PHRF1: variants seen among roughly 807,000 people sequenced by gnomAD.
The protein encoded by PHRF1 is PHD and RING finger domain-containing protein 1.
A neutral mutation model predicts 128.9 loss-of-function variants in PHRF1; 53 were observed. The ratio of observed to expected loss-of-function variants is 0.41; its 90% CI spans 0.33 to 0.52. PHRF1 has a LOEUF of 0.52. Among genes scored for constraint, PHRF1 ranks in the 20% least tolerant of loss-of-function variants. PHRF1 has a pLI of 0.21. For synonymous variants in PHRF1, 1,178 were observed against 980.6 expected (o/e 1.20, Z -3.76); for missense variants, 2,503 against 2,284.5 (o/e 1.10, Z -1.95).
chr11:590,485 AAC>A (rs1284333626), intron 4 of PHRF1, among the ~76,000 whole-genome samples: 7 of 152,170 alleles, frequency 4.6e-5, no homozygotes, highest in African/African-American at 1.2e-4. Flanking sequence ...AACAGGAAGA[AAC>A]AGTCAGGTGG....
Position 587,541 on chromosome 11 carries a change from G to C in PHRF1, c.420+77G>C. The C allele has an allele frequency of 4.1e-6, 6 of 1,468,980 alleles. No individual in the cohort carries two copies. In the South Asian group the frequency reaches 4.7e-5, roughly 11 times the overall value. 91.0% of individuals were successfully genotyped at this position (1,468,980 alleles called of 1,614,324 possible). ...TTATAGGTGACCCAGCCTGTGTTCAGCCTCTTGTGAGGTTCTAGTTGTCTG... is the reference window on the plus strand; with the variant it reads ...TTATAGGTGACCCAGCCTGTGTTCACCCTCTTGTGAGGTTCTAGTTGTCTG... On this transcript the variant is annotated intron_variant, in intron 4 of 17. Transcript: ENST00000264555.
intron 12 of PHRF1, 68 bp from the exon 13 acceptor site, chr11:606,374 T>TCTGCCTGGGTGCGGGCCC (rs1855939778): frequency 6.8e-7 from 1 of 1,471,096 alleles, no homozygotes; most frequent in South Asian, 1.3e-5. Context: ...GCTGCGGGGC[T>TCTGCCTGGGTGCGGGCCC]CTGCCTGGGT....
Position 582,048 on chromosome 11 carries a change from G to C in PHRF1, c.181G>C (p.Ala61Pro), listed in dbSNP as rs545043637. The part of the protein sequence containing the change: ...GDGTDGEDEG[A>P]SEEEDLEDRS... ...TGGCACAGACGGAGAAGACGAGGGG[G>C]CGTCTGAGGAGGAAGACCTGGAAGA... Residue 61 changes from alanine (A) to proline (P), a missense_variant, in exon 3 of 18, where the codon GCG (alanine) becomes CCG (proline). Coordinates refer to ENST00000264555, the MANE Select transcript of PHRF1 (RefSeq NM_001286581.2). The C allele has an allele frequency of 2.5e-6, 4 of 1,604,262 alleles. No individual in the cohort carries two copies. In the African/African-American group the frequency reaches 4.0e-5, roughly 16 times the overall value.
intron 1 of PHRF1, among the ~76,000 whole-genome samples, chr11:580,367 C>T (rs929570982): frequency 1.3e-5 from 2 of 152,204 alleles, no homozygotes; most frequent in Non-Finnish European, 2.9e-5. Flanking sequence ...TTCACAGTGA[C>T]CTTGCAGAGT....
At chr11:589,997 G>T (rs1854859930) in intron 4 of PHRF1, among the ~76,000 whole-genome samples, 1 of 151,348 alleles carries the variant, frequency 6.6e-6, no homozygotes, top group African/African-American at 2.4e-5. Flanking sequence ...AGCGTGTGGG[G>T]CTCAGCCTCA....
intron 13 of PHRF1, chr11:606,816 C>T (rs1474902710): frequency 2.3e-6 from 2 of 867,090 alleles, no homozygotes; most frequent in African/African-American, 3.4e-5. Flanking sequence ...AGAACATGTC[C>T]TGATGGGGTA....
intron 6 of PHRF1, among the ~76,000 whole-genome samples, chr11:593,723 C>T (rs1323191154): frequency 6.6e-6 from 1 of 152,230 alleles, no homozygotes; most frequent in Non-Finnish European, 1.5e-5. Context: ...TGTGGGAGTA[C>T]AGGGGCCTTG....
At chr11:605,491 A>C (rs1395469245) in intron 11 of PHRF1, 114 bp from the exon 12 acceptor site, 18 of 1,515,804 alleles carry the variant, frequency 1.2e-5, no homozygotes, top group Non-Finnish European at 1.6e-5. Context: ...CCCGAATCAC[A>C]CGTGCCGCCA....
Position 605,099 on chromosome 11 carries a change from T to A in PHRF1, c.1153-20T>A, listed in dbSNP as rs1020840107. 6.3e-7 allele frequency: 1 copy of A among 1,595,172 alleles called. No homozygotes were observed. Among genetic ancestry groups the A allele is most frequent in the Non-Finnish European group, 8.6e-7 (1 of 1,166,042 alleles). On this transcript the variant is annotated intron_variant, in intron 10 of 17. Coordinates refer to ENST00000264555, the MANE Select transcript of PHRF1 (RefSeq NM_001286581.2). Reference sequence around the variant, plus strand: ...CATCCCCGTCTCTCTGTTCATCTTTTTCTTTGTTACTGGATTCAGAGTGAA... The same window carrying A: ...CATCCCCGTCTCTCTGTTCATCTTTATCTTTGTTACTGGATTCAGAGTGAA...
At chr11:605,424 C>T in intron 11 of PHRF1, 124 bp downstream of exon 11, 4 of 1,476,182 alleles carry the variant, frequency 2.7e-6, no homozygotes, top group Non-Finnish European at 1.8e-6. Context: ...GTGGCCATTC[C>T]TCCCACCGCC....
intron 4 of PHRF1, among the ~76,000 whole-genome samples, chr11:587,714 C>T (rs1854657320): frequency 6.6e-6 from 1 of 152,104 alleles, no homozygotes; most frequent in African/African-American, 2.4e-5. Context: ...CGTGGGTCTC[C>T]CAGGACCAGC....
In PHRF1 at chr11:608,137, C is replaced by T. The variant is rs1193266628; in HGVS notation, c.2681C>T (p.Pro894Leu). 4 of 1,611,544 alleles carry T rather than the reference C, an allele frequency of 2.5e-6. No homozygotes were observed. Among genetic ancestry groups the T allele is most frequent in the East Asian group, 2.2e-5 (1 of 44,868 alleles). Reference protein sequence around the residue: ...VESIFGTEPEPPLGPSSAMSK... With the variant: ...VESIFGTEPELPLGPSSAMSK... Reference sequence around the variant, plus strand: ...AGCATCTTTGGTACAGAGCCCGAACCCCCTCTCGGACCGTCCTCCGCCATG... The same window carrying T: ...AGCATCTTTGGTACAGAGCCCGAACTCCCTCTCGGACCGTCCTCCGCCATG... Residue 894 changes from proline to leucine, a missense_variant, in exon 14 of 18, where the codon CCC (proline) becomes CTC (leucine). Transcript: ENST00000264555.
In PHRF1 at chr11:610,913, C is replaced by G. The variant is rs370059231; in HGVS notation, c.4678-41C>G. ...CAGTGCCTCTGGCCAGAGGGACTCC[C>G]GGCTCCCTTCCTGGCCGCATCACAC... On this transcript the variant is annotated intron_variant, in intron 16 of 17. Coordinates refer to ENST00000264555, the MANE Select transcript of PHRF1 (RefSeq NM_001286581.2). 3 of 1,604,660 alleles carry G rather than the reference C, an allele frequency of 1.9e-6. No individual in the cohort carries two copies. The South Asian group carries it at 3.3e-5, about 18-fold the overall frequency.
At chr11:587,168 T>C in intron 3 of PHRF1, 91 bp from the exon 4 acceptor site, 1 of 1,251,430 alleles carries the variant, frequency 8.0e-7, no homozygotes, top group Non-Finnish European at 1.1e-6. Flanking sequence ...GCCGACCTGG[T>C]GTCCTGAGCG....
chr11:605,473 G>A lies in PHRF1; in HGVS notation c.1335-132G>A, dbSNP rs1009743739. 8 of 1,491,538 alleles carry A rather than the reference G, an allele frequency of 5.4e-6. No individual in the cohort carries two copies. The Admixed American group carries it at 1.1e-4, about 20-fold the overall frequency. The allele number at this position is 1,491,538 out of a possible 1,614,324, so 92.4% of individuals were successfully genotyped here. A position where few individuals can be genotyped will look rare whatever the true frequency, so the allele number is the denominator to read the frequency against. On this transcript the variant is annotated intron_variant, in intron 11 of 17. Transcript: ENST00000264555. ...GGGTGGCGTGGAACTCAGAGGTCTG[G>A]TTCGGGGCCCGAATCACACGTGCCG...
At chr11:581,055 C>G (rs1003686125) in intron 1 of PHRF1, among the ~76,000 whole-genome samples, 5 of 151,834 alleles carry the variant, frequency 3.3e-5, no homozygotes, top group East Asian at 1.9e-4. Context: ...AACTCCCGAC[C>G]TCAGGTGATC....
At chr11:610,171 A>C (rs1399909127) in intron 14 of PHRF1, 25 bp from the exon 15 acceptor site, 1 of 1,481,548 alleles carries the variant, frequency 6.7e-7, no homozygotes, top group Non-Finnish European at 9.0e-7. Context: ...CAGAGCACCC[A>C]CCTCCCTGTC....
intron 1 of PHRF1, among the ~76,000 whole-genome samples, chr11:577,372 C>T (rs1853933611): frequency 6.6e-6 from 1 of 152,236 alleles, no homozygotes; most frequent in Non-Finnish European, 1.5e-5. Context: ...AGCAGAACAG[C>T]AGTCAGCTGG....
chr11:600,960 C>T (rs966921427), intron 9 of PHRF1, among the ~76,000 whole-genome samples: 2 of 151,200 alleles, frequency 1.3e-5, no homozygotes, highest in Non-Finnish European at 3.0e-5. Flanking sequence ...AGCGAGACTC[C>T]GTCTCAAAAA....
Sources: allele counts gnomAD v4.1 joint callset (sites outside exome capture counted in the v4.1 genomes callset), GRCh38; gene constraint gnomAD v4.1.1; transcripts MANE v1.5; gene names NCBI Gene and HGNC (gene_info 2026-07-23, HGNC 2026-07-21).